CAB39: variants seen among roughly 807,000 people sequenced by gnomAD.
The protein encoded by CAB39 is calcium binding protein 39.
CAB39 carries 8 observed loss-of-function variants against 40.0 expected under a neutral mutation model. The ratio of observed to expected loss-of-function variants is 0.20; its 90% CI spans 0.12 to 0.36. CAB39 has a LOEUF of 0.36. CAB39 is among the 10% of genes least tolerant of loss of function. CAB39 has a pLI of 1.00. For synonymous variants in CAB39, 156 were observed against 141.6 expected (o/e 1.10, Z -0.72); for missense variants, 270 against 401.1 (o/e 0.67, Z 2.79).
chr2:230,742,138 A>G (rs1337535550), intron 1 of CAB39, among the ~76,000 whole-genome samples: 2 of 150,920 alleles, frequency 1.3e-5, no homozygotes, highest in Non-Finnish European at 3.0e-5. Flanking sequence ...ATTTACAGAT[A>G]AGTCTTTTTT....
chr2:230,725,542 A>C, intron 1 of CAB39: 2 of 842,740 alleles, frequency 2.4e-6, no homozygotes. Context: ...TTAGGTAAGT[A>C]ATGGGGAAAA....
chr2:230,820,719 A>G lies in CAB39; in HGVS notation c.*2015A>G, dbSNP rs141969677. ...GAGGGTGCAGCGTGTCAGACACAAC[A>G]TTCATGTTACTCTTACATTGGAATC... On this transcript the variant is annotated 3_prime_UTR_variant, in exon 9 of 9. Transcript: ENST00000258418. 5.9e-5 allele frequency: 9 copies of G among 152,700 alleles called. 1 individual carries two copies. The East Asian group carries it at 1.7e-3, about 29-fold the overall frequency. The allele number at this position is 152,700 out of a possible 1,614,324, so 9.5% of individuals were successfully genotyped here. A position where few individuals can be genotyped will look rare whatever the true frequency, so the allele number is the denominator to read the frequency against.
At chr2:230,757,459 A>G (rs2124915583) in intron 1 of CAB39, among the ~76,000 whole-genome samples, 1 of 152,292 alleles carries the variant, frequency 6.6e-6, no homozygotes, top group East Asian at 1.9e-4. Flanking sequence ...GCTGGCTGGT[A>G]TATTAATTAA....
intron 1 of CAB39, among the ~76,000 whole-genome samples, chr2:230,754,287 T>TTTCTTTC (rs144099318): frequency 2.0e-3 from 270 of 134,394 alleles, no homozygotes; most frequent in Middle Eastern, 4.1e-3. Context: ...AGTATTCTTT[T>TTTCTTTC]TTCTTTCTTC....
chr2:230,809,966 T>G (rs985920108), intron 5 of CAB39, among the ~76,000 whole-genome samples: 1 of 152,248 alleles, frequency 6.6e-6, no homozygotes, highest in Non-Finnish European at 1.5e-5. Flanking sequence ...AGTGTTAACT[T>G]TAATTTCACT....
At chr2:230,720,493 T>C (rs1384681351) in intron 1 of CAB39, among the ~76,000 whole-genome samples, 1 of 152,178 alleles carries the variant, frequency 6.6e-6, no homozygotes, top group East Asian at 1.9e-4. Context: ...TGGAGTGCAA[T>C]GGCGTGATCT....
intron 1 of CAB39, among the ~76,000 whole-genome samples, chr2:230,748,822 AAAAAAAAAAATATATAT>A (rs1233658188): frequency 4.3e-5 from 3 of 69,964 alleles, no homozygotes; most frequent in African/African-American, 1.9e-4. Flanking sequence ...AGAAAAAAAA[AAAAAAAAAAATATATAT>A]ATATATATAT....
intron 1 of CAB39, among the ~76,000 whole-genome samples, chr2:230,729,799 A>G (rs1694654911): frequency 6.6e-6 from 1 of 152,150 alleles, no homozygotes. Flanking sequence ...GATATTTAAT[A>G]ATTGGTAGCA....
intron 2 of CAB39, among the ~76,000 whole-genome samples, chr2:230,788,134 A>T (rs539141885): frequency 6.6e-6 from 1 of 152,322 alleles, no homozygotes; most frequent in South Asian, 2.1e-4. Context: ...TTCTGATCAT[A>T]AATGCTTCAC....
intron 7 of CAB39, among the ~76,000 whole-genome samples, chr2:230,816,784 A>G (rs945648990): frequency 6.6e-6 from 1 of 152,186 alleles, no homozygotes; most frequent in South Asian, 2.1e-4. Context: ...CTGTTCCATT[A>G]TACAGATGAT....
At chr2:230,797,657 G>A (rs970785380) in intron 4 of CAB39, among the ~76,000 whole-genome samples, 7 of 152,108 alleles carry the variant, frequency 4.6e-5, no homozygotes, top group African/African-American at 1.4e-4. Context: ...CATGGAGGTG[G>A]GGTTAGTAGT....
intron 2 of CAB39, among the ~76,000 whole-genome samples, chr2:230,789,572 A>C (rs1695856603): frequency 6.6e-6 from 1 of 152,174 alleles, no homozygotes; most frequent in South Asian, 2.1e-4. Flanking sequence ...GGCTGGTAGG[A>C]AACAGGAGCT....
In CAB39 at chr2:230,819,681, C is replaced by T. The variant is rs1696472093; in HGVS notation, c.*977C>T. 2 of 152,414 alleles carry T rather than the reference C, an allele frequency of 1.3e-5. No homozygotes were observed. The highest frequency in any genetic ancestry group is 2.9e-5 in the Non-Finnish European group (2 of 68,020). The allele number at this position is 152,414 out of a possible 1,614,324, so 9.4% of individuals were successfully genotyped here. A position where few individuals can be genotyped will look rare whatever the true frequency, so the allele number is the denominator to read the frequency against. On this transcript the variant is annotated 3_prime_UTR_variant, in exon 9 of 9. Transcript: ENST00000258418. ...AGCATTAAAAGAAAAAGAAAGTAAA[C>T]CAGTCCTTTGTATTCAGTTACCTAA...
At chr2:230,757,897 C>T (rs1187127315) in intron 1 of CAB39, among the ~76,000 whole-genome samples, 1 of 152,130 alleles carries the variant, frequency 6.6e-6, no homozygotes, top group Non-Finnish European at 1.5e-5. Context: ...CTTTGTGTCC[C>T]ATCTGGCTTG....
At chr2:230,799,053 TAA>T (rs1346931535) in intron 5 of CAB39, 156 bp downstream of exon 5, 1 of 546,454 alleles carries the variant, frequency 1.8e-6, no homozygotes, top group African/African-American at 1.9e-5. Context: ...GTATATGCAG[TAA>T]AGTCACAGCT....
intron 1 of CAB39, among the ~76,000 whole-genome samples, chr2:230,731,046 T>TA (rs1694679623): frequency 6.6e-6 from 1 of 152,238 alleles, no homozygotes; most frequent in South Asian, 2.1e-4. Context: ...TTTTGGTTCA[T>TA]ACCTCTACTA....
intron 2 of CAB39, among the ~76,000 whole-genome samples, chr2:230,773,601 T>C (rs917823379): frequency 1.2e-4 from 18 of 151,664 alleles, no homozygotes; most frequent in African/African-American, 3.9e-4. Context: ...AAGAGAGGAG[T>C]GACCAGGCTG....
chr2:230,731,527 A>G (rs1694688672), intron 1 of CAB39, among the ~76,000 whole-genome samples: 1 of 152,170 alleles, frequency 6.6e-6, no homozygotes, highest in South Asian at 2.1e-4. Flanking sequence ...TTTTTGAGAC[A>G]AAGTCTCACT....
chr2:230,814,013 GGCA>G, intron 6 of CAB39, 33 bp from the exon 7 acceptor site: 1 of 128,488 alleles, frequency 7.8e-6, no homozygotes, highest in Non-Finnish European at 1.3e-5. Context: ...TTTTTTTTTT[GGCA>G]ATAACCCTGA....
Sources: allele counts gnomAD v4.1 joint callset (sites outside exome capture counted in the v4.1 genomes callset), GRCh38; gene constraint gnomAD v4.1.1; transcripts MANE v1.5; gene names NCBI Gene and HGNC (gene_info 2026-07-23, HGNC 2026-07-21).